Variants in EPHB1 observed in about 807,000 individuals in gnomAD.
EPHB1 encodes ephrin type-B receptor 1.
EPHB1 carries 30 observed loss-of-function variants against 94.4 expected under a neutral mutation model. The observed-to-expected ratio is 0.32, with a 90% confidence interval of 0.24 to 0.43. The LOEUF (loss-of-function observed/expected upper bound fraction) is 0.43. EPHB1 is among the 20% of genes least tolerant of loss of function. The pLI, the probability that EPHB1 is intolerant of heterozygous loss-of-function variation, is 1.00. For missense variants in EPHB1, 1,055 were observed against 1,308.3 expected (o/e 0.81, Z 2.99); for synonymous variants, 522 against 489.1 (o/e 1.07, Z -0.89).
At chr3:135,154,015 G>C in intron 5 of EPHB1, 137 bp from the exon 6 acceptor site, 1 of 1,209,800 alleles carries the variant, frequency 8.3e-7, no homozygotes, top group Non-Finnish European at 1.2e-6. Flanking sequence ...AGTTCTGCAG[G>C]TCCAGCTCAG....
At chr3:135,100,268 A>G (rs1015790313) in intron 3 of EPHB1, among the ~76,000 whole-genome samples, 1 of 152,146 alleles carries the variant, frequency 6.6e-6, no homozygotes, top group African/African-American at 2.4e-5. Flanking sequence ...GTTGTTTTTG[A>G]GGCCTCATCT....
chr3:135,228,647 C>G (rs1576484244), intron 12 of EPHB1, among the ~76,000 whole-genome samples: 1 of 152,136 alleles, frequency 6.6e-6, no homozygotes, highest in African/African-American at 2.4e-5. Flanking sequence ...TCTTATCTCT[C>G]AACCAACGTT....
rs898810453 is a variant in EPHB1, at chr3:135,022,043, G to A, written c.805+69991G>A. Among the ~76,000 whole-genome samples the A allele has an allele frequency of 3.2e-4, 49 of 152,132 alleles. 2 individuals carry two copies. Among genetic ancestry groups the A allele is most frequent in the Non-Finnish European group, 2.9e-5 (2 of 68,026 alleles). On this transcript the variant is annotated intron_variant, in intron 3 of 15. Coordinates refer to ENST00000398015, the MANE Select transcript of EPHB1 (RefSeq NM_004441.5). ...CGCCCAGGCTGGAGTGCAGTGGCAC[G>A]ATCTCGGCTCACTGCAAGCTCTGCC...
chr3:135,102,976 G>C (rs948826599), intron 3 of EPHB1, among the ~76,000 whole-genome samples: 8 of 152,062 alleles, frequency 5.3e-5, no homozygotes, highest in Admixed American at 2.0e-4. Flanking sequence ...GGGCCTGTTG[G>C]GGGGTGGGGG....
chr3:134,899,118 A>G (rs2038146889), intron 1 of EPHB1, among the ~76,000 whole-genome samples: 1 of 152,108 alleles, frequency 6.6e-6, no homozygotes, highest in Non-Finnish European at 1.5e-5. Flanking sequence ...GTGGAGGAGG[A>G]GACATGGATT....
intron 1 of EPHB1, among the ~76,000 whole-genome samples, chr3:134,799,609 C>G (rs1269704509): frequency 6.6e-6 from 1 of 152,170 alleles, no homozygotes; most frequent in Non-Finnish European, 1.5e-5. Flanking sequence ...CAGCTCAAAC[C>G]TTCTGGGTTA....
chr3:134,801,531 T>A (rs2035935300), intron 1 of EPHB1, among the ~76,000 whole-genome samples: 1 of 152,170 alleles, frequency 6.6e-6, no homozygotes, highest in Non-Finnish European at 1.5e-5. Context: ...TATGTTTCCC[T>A]CTTATGCACT....
chr3:135,116,547 C>T (rs1939722553), intron 4 of EPHB1, among the ~76,000 whole-genome samples: 1 of 152,182 alleles, frequency 6.6e-6, no homozygotes, highest in African/African-American at 2.4e-5. Flanking sequence ...AGACCTCTTG[C>T]CAGTGCCTCG....
chr3:135,205,725 G>A (rs1483625128), intron 12 of EPHB1, among the ~76,000 whole-genome samples: 2 of 152,068 alleles, frequency 1.3e-5, no homozygotes, highest in Non-Finnish European at 2.9e-5. Flanking sequence ...GCTTTATCAT[G>A]TAACTATCCG....
chr3:135,227,801 C>T (rs1226224892), intron 12 of EPHB1, among the ~76,000 whole-genome samples: 1 of 152,132 alleles, frequency 6.6e-6, no homozygotes, highest in Non-Finnish European at 1.5e-5. Flanking sequence ...ACAGACAACA[C>T]TCATATAACA....
intron 1 of EPHB1, among the ~76,000 whole-genome samples, chr3:134,835,808 G>A (rs1048502174): frequency 2.6e-5 from 4 of 152,106 alleles, no homozygotes; most frequent in Non-Finnish European, 2.9e-5. Flanking sequence ...GGGCTCCAAG[G>A]GCTCCATTCA....
intron 4 of EPHB1, among the ~76,000 whole-genome samples, chr3:135,115,614 G>T (rs1342823727): frequency 6.6e-6 from 1 of 152,028 alleles, no homozygotes; most frequent in East Asian, 1.9e-4. Flanking sequence ...TTACAGAGCA[G>T]GTGTGTCCGA....
intron 1 of EPHB1, among the ~76,000 whole-genome samples, chr3:134,919,695 G>A (rs1188488639): frequency 6.6e-6 from 1 of 152,182 alleles, no homozygotes; most frequent in East Asian, 1.9e-4. Flanking sequence ...GTGCAGATCA[G>A]GTTCGGAGGA....
At chr3:134,874,822 T>G (rs2037583852) in intron 1 of EPHB1, among the ~76,000 whole-genome samples, 1 of 152,208 alleles carries the variant, frequency 6.6e-6, no homozygotes, top group Non-Finnish European at 1.5e-5. Flanking sequence ...TGTTCATGAT[T>G]GTAGTTACCC....
At chr3:135,250,411 G>A (rs1410740205) in intron 15 of EPHB1, among the ~76,000 whole-genome samples, 1 of 152,118 alleles carries the variant, frequency 6.6e-6, no homozygotes, top group East Asian at 1.9e-4. Flanking sequence ...CTGGCTGCCA[G>A]TTCAATATTC....
At chr3:135,146,625 C>G (rs1941019696) in intron 5 of EPHB1, among the ~76,000 whole-genome samples, 1 of 152,364 alleles carries the variant, frequency 6.6e-6, no homozygotes, top group South Asian at 2.1e-4. Context: ...GAAACCAGCT[C>G]TCTTCTGGAG....
chr3:135,218,142 G>A (rs1943197553), intron 12 of EPHB1, among the ~76,000 whole-genome samples: 2 of 152,144 alleles, frequency 1.3e-5, no homozygotes, highest in Non-Finnish European at 2.9e-5. Flanking sequence ...GGAGAGGGAT[G>A]AAGACAAGCA....
intron 3 of EPHB1, among the ~76,000 whole-genome samples, chr3:134,979,929 A>G (rs1279468830): frequency 6.6e-6 from 1 of 152,104 alleles, no homozygotes; most frequent in East Asian, 1.9e-4. Flanking sequence ...TGTTGTTGTT[A>G]CTTTGCGGCC....
At chr3:135,195,603 C>T (rs1167438128) in intron 11 of EPHB1, among the ~76,000 whole-genome samples, 8 of 147,906 alleles carry the variant, frequency 5.4e-5, no homozygotes, top group Non-Finnish European at 1.0e-4. Context: ...TTTGTTCTCC[C>T]GATAGTTTAC....
Sources: gnomAD v4.1 joint callset for allele counts (sites outside exome capture counted in the v4.1 genomes callset) on GRCh38, gnomAD v4.1.1 for gene constraint, MANE v1.5 for transcripts, NCBI Gene and HGNC (gene_info 2026-07-23, HGNC 2026-07-21) for gene names.